The following LTBP2 variants were observed in gnomAD, a reference collection of about 807,000 sequenced individuals.
LTBP2 encodes latent-transforming growth factor beta-binding protein 2.
LTBP2 carries 103 observed loss-of-function variants against 210.6 expected under a neutral mutation model. That is an observed-to-expected ratio of 0.49 (90% CI 0.42 to 0.58). The LOEUF (loss-of-function observed/expected upper bound fraction) is 0.58. Among genes scored for constraint, LTBP2 ranks in the 20% least tolerant of loss-of-function variants. The pLI, the probability that LTBP2 is intolerant of heterozygous loss-of-function variation, is 0.00. For synonymous variants in LTBP2, 1,007 were observed against 1,015.0 expected, an observed-to-expected ratio of 0.99 and a Z score of 0.15; for missense variants, 2,313 against 2,494.5, an observed-to-expected ratio of 0.93 and a Z score of 1.55.
chr14:74,606,504 AT>A (rs374689189), intron 1 of LTBP2, among the ~76,000 whole-genome samples: 1 of 152,282 alleles, frequency 6.6e-6, no homozygotes, highest in African/African-American at 2.4e-5. Flanking sequence ...ACTGATTAAA[AT>A]CCTTTGCATA....
chr14:74,591,861 C>T (rs766526870), intron 2 of LTBP2, among the ~76,000 whole-genome samples: 10 of 152,178 alleles, frequency 6.6e-5, no homozygotes, highest in African/African-American at 9.7e-5. Context: ...CTATATTTTT[C>T]CCATCTAAAG....
intron 3 of LTBP2, among the ~76,000 whole-genome samples, chr14:74,571,962 G>GAA (rs35696324): frequency 2.2e-4 from 33 of 146,752 alleles, no homozygotes; most frequent in Admixed American, 2.0e-4. Flanking sequence ...GAAATAAGGA[G>GAA]AAAAAAAAAA....
rs142287697 is a variant in LTBP2 at position 74,546,131 on chromosome 14, C to T, written c.1789+3732G>A. 2.7e-3 allele frequency among the ~76,000 whole-genome samples: 414 copies of T among 152,294 alleles called. 5 individuals are homozygous for T. Among genetic ancestry groups the T allele is most frequent in the African/African-American group, 9.5e-3 (394 of 41,558 alleles). ...AGGCTGCTCACCCTATCACTCCCAC[C>T]ACTGCCTGATTTGCTAGAACACTTT... On this transcript the variant is annotated intron_variant, in intron 8 of 35. Coordinates refer to ENST00000261978, the MANE Select transcript of LTBP2 (RefSeq NM_000428.3).
chr14:74,534,420 G>T (rs2087392668), intron 9 of LTBP2, among the ~76,000 whole-genome samples: 1 of 152,128 alleles, frequency 6.6e-6, no homozygotes, highest in South Asian at 2.1e-4. Flanking sequence ...TTGCTTATGG[G>T]GTTCACATTG....
chr14:74,588,831 G>C (rs10400787), intron 2 of LTBP2, among the ~76,000 whole-genome samples: 15,574 of 152,120 alleles, frequency 0.1, 1,315 homozygotes, highest in African/African-American at 0.22. Flanking sequence ...ACTTGCCTGA[G>C]GTCACCCAGC....
Position 74,511,354 on chromosome 14 carries a change from T to C in LTBP2, c.2919A>G (p.Glu973=). ...VRKGHCQDIN[E]CRHPGTCPDG... The stretch of plus-strand genomic sequence containing the variant: ...CAGGGCAGGTACCGGGGTGACGGCA[T>C]TCGTTGATATCTGCAAAACAGCAGC... Residue 973 remains glutamate (E), a synonymous_variant, in exon 19 of 36, where the codon GAA becomes GAG. Coordinates refer to ENST00000261978, the MANE Select transcript of LTBP2 (RefSeq NM_000428.3). 3.1e-6 allele frequency: 5 copies of C among 1,614,006 alleles called. No individual in the cohort carries two copies. The highest frequency in any genetic ancestry group is 3.4e-6 in the Non-Finnish European group (4 of 1,179,974).
intron 3 of LTBP2, among the ~76,000 whole-genome samples, chr14:74,581,105 T>C (rs1340212182): frequency 6.6e-6 from 1 of 152,036 alleles, no homozygotes; most frequent in African/African-American, 2.4e-5. Flanking sequence ...GTGGTGAGGG[T>C]GGACACTGGG....
At chr14:74,535,841 C>A in intron 9 of LTBP2, 85 bp downstream of exon 9, 3 of 1,225,062 alleles carry the variant, frequency 2.4e-6, no homozygotes, top group South Asian at 1.2e-5. Flanking sequence ...GGAGACCACT[C>A]GGCCAGTGAC....
intron 12 of LTBP2, among the ~76,000 whole-genome samples, chr14:74,527,674 G>A (rs1566624498): frequency 6.6e-6 from 1 of 152,136 alleles, no homozygotes; most frequent in Non-Finnish European, 1.5e-5. Flanking sequence ...CCTGCTCCCG[G>A]ACCTGTCCAC....
intron 3 of LTBP2, among the ~76,000 whole-genome samples, chr14:74,564,131 A>T (rs1484358735): frequency 2.3e-5 from 1 of 43,044 alleles, no homozygotes; most frequent in African/African-American, 9.7e-5. Context: ...ATATTTATAT[A>T]TATATTTATA....
At chr14:74,537,766 T>TC (rs1168858299) in intron 8 of LTBP2, among the ~76,000 whole-genome samples, 2 of 152,318 alleles carry the variant, frequency 1.3e-5, no homozygotes, top group South Asian at 2.1e-4. Flanking sequence ...TTCTTCTTCT[T>TC]TTTTTTGAGA....
At chr14:74,602,981 T>C (rs2088469261) in intron 2 of LTBP2, among the ~76,000 whole-genome samples, 2 of 152,218 alleles carry the variant, frequency 1.3e-5, no homozygotes, top group Admixed American at 6.5e-5. Context: ...GGGCCAGGCA[T>C]GTTCTGCAGA....
chr14:74,554,670 A>G (rs1001384287), intron 4 of LTBP2, among the ~76,000 whole-genome samples: 2 of 152,126 alleles, frequency 1.3e-5, no homozygotes, highest in Non-Finnish European at 2.9e-5. Flanking sequence ...ATAAGGAGTG[A>G]CTGCTGCTTA....
At position 74,506,073 on chromosome 14, in the gene LTBP2, C is replaced by G. The variant is rs1448629665; in HGVS notation, c.4152G>C (p.Gly1384=). The change falls in exon 28 of 36, where the codon GGG becomes GGC. Residue 1384 remains glycine (G), a synonymous_variant. Transcript: ENST00000261978. ...SDLEEYDAQE[G]HCRPRGAGGQ... ...CTCCAGCCCCCCGTGGGCGGCAGTG[C>G]CCCTCCTGGGCATCGTACTCCTCCA... The G allele has an allele frequency of 6.2e-7, 1 of 1,614,172 alleles. No homozygotes were observed. The highest frequency in any genetic ancestry group is 8.5e-7 in the Non-Finnish European group (1 of 1,180,034).
At position 74,522,821 on chromosome 14, in the gene LTBP2, G is replaced by A; in HGVS notation, c.2628C>T (p.Tyr876=). The A allele has an allele frequency of 1.9e-6, 3 of 1,611,834 alleles. No individual in the cohort carries two copies. Among genetic ancestry groups the A allele is most frequent in the South Asian group, 2.2e-5 (2 of 90,824 alleles). The change falls in exon 16 of 36, where the codon TAC becomes TAT. Residue 876 remains tyrosine (Y), a synonymous_variant. Coordinates refer to ENST00000261978, the MANE Select transcript of LTBP2 (RefSeq NM_000428.3). ...DGYRCVCSPG[Y]QLHPSQAYCT... is the part of the protein sequence containing the mutation. ...AGTAGGCCTGGCTGGGGTGCAGCTG[G>A]TAGCCAGGGCTGCAGACACATCTGT...
intron 14 of LTBP2, 22 bp downstream of exon 14, chr14:74,526,053 G>T: frequency 5.0e-6 from 8 of 1,596,056 alleles, no homozygotes; most frequent in Non-Finnish European, 6.8e-6. Flanking sequence ...TTGCCTAGGA[G>T]CCGCCAGGAA....
chr14:74,512,144 T>C (rs1474128388), intron 18 of LTBP2, among the ~76,000 whole-genome samples: 2 of 152,050 alleles, frequency 1.3e-5, no homozygotes, highest in Non-Finnish European at 2.9e-5. Context: ...TAACCTGGCA[T>C]ATCATGGGCT....
At chr14:74,506,878 TGCGCGCGCGC>T (rs201664630) in intron 26 of LTBP2, 55 bp from the exon 27 acceptor site, 4 of 1,298,794 alleles carry the variant, frequency 3.1e-6, no homozygotes, top group East Asian at 5.4e-5. Flanking sequence ...TGTGTGTGTG[TGCGCGCGCGC>T]GTGTGTGCTC....
chr14:74,505,970 G>T (rs1352775817), intron 28 of LTBP2, 78 bp downstream of exon 28: 1 of 1,578,296 alleles, frequency 6.3e-7, no homozygotes, highest in Non-Finnish European at 8.7e-7. Flanking sequence ...GCGGCTAGAG[G>T]CTAGTAGAGG....
Sources: gnomAD v4.1 joint callset for allele counts (sites outside exome capture counted in the v4.1 genomes callset) on GRCh38, gnomAD v4.1.1 for gene constraint, MANE v1.5 for transcripts, NCBI Gene and HGNC (gene_info 2026-07-23, HGNC 2026-07-21) for gene names.